Variants in EPHA5 observed in about 807,000 individuals in gnomAD.
The protein encoded by EPHA5 is EPH receptor A5, also known as ephrin type-A receptor 5.
A neutral mutation model predicts 105.0 loss-of-function variants in EPHA5; 60 were observed. The observed-to-expected ratio is 0.57, with a 90% CI of 0.46 to 0.71. The LOEUF is 0.71. Among genes scored for constraint, EPHA5 ranks in the 30% least tolerant of loss-of-function variants. The probability of loss-of-function intolerance (pLI) is 0.00; values close to 1 mark genes in which losing one functional copy is unlikely to be tolerated. For missense variants in EPHA5, 1,218 were observed against 1,274.7 expected, an observed-to-expected ratio of 0.96 and a Z score of 0.68; for synonymous variants, 513 against 449.1, an observed-to-expected ratio of 1.14 and a Z score of -1.80.
intron 3 of EPHA5, among the ~76,000 whole-genome samples, chr4:65,560,961 TTAAATCACTAATTCA>T (rs1052749574): frequency 6.6e-6 from 1 of 152,030 alleles, no homozygotes; most frequent in African/African-American, 2.4e-5. Flanking sequence ...TGTTGAGTCT[TTAAATCACTAATTCA>T]TAAACTCTTG....
At chr4:65,491,181 T>TA (rs78417500) in intron 4 of EPHA5, among the ~76,000 whole-genome samples, 6,527 of 119,788 alleles carry the variant, frequency 0.054, 141 homozygotes, top group African/African-American at 0.065. Context: ...ATGTTGTAAG[T>TA]AAAAAAAAAA....
chr4:65,580,150 A>G (rs1420329771), intron 3 of EPHA5, among the ~76,000 whole-genome samples: 1 of 151,816 alleles, frequency 6.6e-6, no homozygotes, highest in Admixed American at 6.6e-5. Context: ...AAGAAAAAAA[A>G]TTTGCTTTCA....
chr4:65,608,300 C>CT (rs1465100655), intron 2 of EPHA5, among the ~76,000 whole-genome samples: 1 of 151,992 alleles, frequency 6.6e-6, no homozygotes, highest in Non-Finnish European at 1.5e-5. Context: ...GTCAGGAGAT[C>CT]GAGACCATCC....
rs146880088 is a variant in EPHA5, at chr4:65,344,396, C to T, written c.2595+3658G>A. 4.9e-4 allele frequency among the ~76,000 whole-genome samples: 75 copies of T among 152,266 alleles called. No homozygotes were observed. The East Asian group carries it at 0.014, about 27-fold the overall frequency. ...AGCAGTTATGAACATTCACCTAGCA[C>T]CAGTGTTTGCACTGGTGTATAATTG... is the stretch of plus-strand genomic sequence containing the variant. On this transcript the variant is annotated intron_variant, in intron 14 of 16. Transcript: ENST00000613740.
At chr4:65,557,258 A>ATATATATATATATATATATATG (rs1297322719) in intron 3 of EPHA5, among the ~76,000 whole-genome samples, 5 of 145,112 alleles carry the variant, frequency 3.4e-5, no homozygotes, top group African/African-American at 1.0e-4. Context: ...ATATATATAT[A>ATATATATATATATATATATATG]TTCTCACACT....
chr4:65,427,256 C>T (rs1724531009), intron 5 of EPHA5, among the ~76,000 whole-genome samples: 1 of 144,700 alleles, frequency 6.9e-6, no homozygotes, highest in Admixed American at 7.2e-5. Flanking sequence ...GCGATCTCTG[C>T]TCACTGCAAC....
intron 5 of EPHA5, among the ~76,000 whole-genome samples, chr4:65,435,823 G>A (rs967645244): frequency 3.3e-5 from 4 of 122,326 alleles, no homozygotes; most frequent in Admixed American, 2.3e-4. Flanking sequence ...ATGAAGCACT[G>A]GAAAAAAAAA....
intron 2 of EPHA5, among the ~76,000 whole-genome samples, chr4:65,614,961 G>C (rs550512773): frequency 1.3e-4 from 20 of 151,770 alleles, no homozygotes; most frequent in Non-Finnish European, 2.5e-4. Flanking sequence ...TCATACAAGA[G>C]TTAATAGTAA....
intron 5 of EPHA5, among the ~76,000 whole-genome samples, chr4:65,446,975 A>ATTTTTTTTT (rs397993760): frequency 5.9e-4 from 67 of 112,908 alleles, no homozygotes; most frequent in African/African-American, 8.9e-4. Context: ...TTAAAAGCTC[A>ATTTTTTTTT]TTTTTTTTTT....
At chr4:65,488,053 G>T (rs910622598) in intron 5 of EPHA5, among the ~76,000 whole-genome samples, 1 of 152,116 alleles carries the variant, frequency 6.6e-6, no homozygotes, top group East Asian at 1.9e-4. Context: ...CTAACCAATA[G>T]CAACCAAAAG....
At chr4:65,647,953 G>A (rs1748269503) in intron 1 of EPHA5, among the ~76,000 whole-genome samples, 1 of 152,130 alleles carries the variant, frequency 6.6e-6, no homozygotes, top group Non-Finnish European at 1.5e-5. Context: ...TTAACTGAAT[G>A]CCCAACCAAA....
At chr4:65,484,699 T>C (rs1003878927) in intron 5 of EPHA5, among the ~76,000 whole-genome samples, 2 of 152,300 alleles carry the variant, frequency 1.3e-5, no homozygotes, top group African/African-American at 4.8e-5. Context: ...TGGGACAAAA[T>C]ATACATGTAT....
chr4:65,550,688 T>C (rs1020815846), intron 3 of EPHA5, among the ~76,000 whole-genome samples: 3 of 151,940 alleles, frequency 2.0e-5, no homozygotes. Flanking sequence ...TACAGAAAAT[T>C]AGCCAGGCAT....
At chr4:65,607,365 A>T (rs1744331204) in intron 2 of EPHA5, among the ~76,000 whole-genome samples, 1 of 152,174 alleles carries the variant, frequency 6.6e-6, no homozygotes, top group Non-Finnish European at 1.5e-5. Context: ...CAGCAAAAGA[A>T]ACTATCATCG....
chr4:65,657,967 A>G (rs957638965), intron 1 of EPHA5, among the ~76,000 whole-genome samples: 2 of 151,730 alleles, frequency 1.3e-5, no homozygotes, highest in African/African-American at 2.4e-5. Flanking sequence ...TTTCTTTAGA[A>G]AATCATACTA....
chr4:65,570,461 C>T (rs576393614), intron 3 of EPHA5, among the ~76,000 whole-genome samples: 7 of 151,358 alleles, frequency 4.6e-5, no homozygotes, highest in South Asian at 2.1e-4. Context: ...CACCTCCCCC[C>T]ACTCTACCCT....
Position 65,332,115 on chromosome 4 carries a change from A to G in EPHA5, c.2803T>C (p.Leu935=), listed in dbSNP as rs2148799613. 1.9e-6 allele frequency: 3 copies of G among 1,599,274 alleles called. No homozygotes were observed. Among genetic ancestry groups the G allele is most frequent in the Non-Finnish European group, 2.6e-6 (3 of 1,174,146 alleles). Residue 935 remains leucine (L), a synonymous_variant, in exon 16 of 17, where the codon TTG becomes CTG. Coordinates refer to ENST00000613740, the MANE Select transcript of EPHA5 (RefSeq NM_001281766.3). ...VNASCRVSNL[L]AEHSPLGSGA... is the part of the protein sequence containing the mutation. ...GATCCTAGTGGGCTATGTTCTGCCA[A>G]TAAATTAGATACTCTAAAACACATA...
intron 3 of EPHA5, among the ~76,000 whole-genome samples, chr4:65,600,087 T>TAAAACTAATAA (rs1313855110): frequency 6.6e-6 from 1 of 152,192 alleles, no homozygotes; most frequent in Non-Finnish European, 1.5e-5. Context: ...AACAAATTTT[T>TAAAACTAATAA]AGAAATAATT....
At chr4:65,380,804 T>C (rs1038906397) in intron 8 of EPHA5, among the ~76,000 whole-genome samples, 1 of 151,780 alleles carries the variant, frequency 6.6e-6, no homozygotes, top group Non-Finnish European at 1.5e-5. Context: ...CAAGTGACAC[T>C]GAAAAGTGGC....
Sources: allele counts gnomAD v4.1 joint callset (sites outside exome capture counted in the v4.1 genomes callset), GRCh38; gene constraint gnomAD v4.1.1; transcripts MANE v1.5; gene names NCBI Gene and HGNC (gene_info 2026-07-23, HGNC 2026-07-21).